SLC35F3: variants seen among roughly 807,000 people sequenced by gnomAD.
The protein encoded by SLC35F3 is solute carrier family 35 member F3, also known as putative thiamine transporter SLC35F3.
In SLC35F3, 25 loss-of-function variants were observed where a neutral mutation model predicts 49.9. The observed-to-expected ratio is 0.50, with a 90% CI of 0.37 to 0.70. SLC35F3 has a LOEUF of 0.70. SLC35F3 is among the 30% of genes least tolerant of loss of function. The probability of loss-of-function intolerance (pLI) is 0.00; values close to 1 mark genes in which losing one functional copy is unlikely to be tolerated. For synonymous variants in SLC35F3, 275 were observed against 265.4 expected, an observed-to-expected ratio of 1.04 and a Z score of -0.35; for missense variants, 525 against 639.8, an observed-to-expected ratio of 0.82 and a Z score of 1.94.
chr1:234,311,137 A>G (rs2102994821), intron 4 of SLC35F3, among the ~76,000 whole-genome samples: 1 of 152,322 alleles, frequency 6.6e-6, no homozygotes, highest in South Asian at 2.1e-4. Flanking sequence ...GAGTCTCTCT[A>G]ATAATCATTA....
chr1:233,960,281 C>G (rs892163334), intron 2 of SLC35F3, among the ~76,000 whole-genome samples: 2 of 152,208 alleles, frequency 1.3e-5, no homozygotes, highest in African/African-American at 4.8e-5. Context: ...CCTCGTTTCC[C>G]CTCACCTGTC....
intron 2 of SLC35F3, among the ~76,000 whole-genome samples, chr1:234,051,645 TG>T (rs549429823): frequency 8.4e-4 from 128 of 152,310 alleles, no homozygotes; most frequent in African/African-American, 2.8e-3. Context: ...TTCTCCTGCC[TG>T]ATTACCCTGG....
At chr1:234,216,366 C>T (rs749005874) in intron 2 of SLC35F3, among the ~76,000 whole-genome samples, 4 of 152,162 alleles carry the variant, frequency 2.6e-5, no homozygotes, top group Non-Finnish European at 4.4e-5. Flanking sequence ...TGGGGCAGGA[C>T]GCGGATGGTG....
chr1:234,205,080 G>A (rs993592912), intron 2 of SLC35F3, among the ~76,000 whole-genome samples: 2 of 152,210 alleles, frequency 1.3e-5, no homozygotes, highest in Non-Finnish European at 2.9e-5. Flanking sequence ...CACCCTCAGT[G>A]CTTGTTGGTG....
chr1:234,276,444 C>A (rs1668212086), intron 3 of SLC35F3, among the ~76,000 whole-genome samples: 1 of 152,072 alleles, frequency 6.6e-6, no homozygotes, highest in African/African-American at 2.4e-5. Context: ...GTGTGGGAGA[C>A]CCTCCCAGTA....
rs1400361495 is a variant in SLC35F3 at position 234,056,802 on chromosome 1, T to C, written c.283+151044T>C. On this transcript the variant is annotated intron_variant, in intron 2 of 7. Coordinates refer to ENST00000366618, the MANE Select transcript of SLC35F3 (RefSeq NM_173508.4). ...AACAGTTTGGTAGCCTTAGACCTTATGTTTTGGTCTTTGATCCATTTTGAG... is the reference window on the plus strand; with the variant it reads ...AACAGTTTGGTAGCCTTAGACCTTACGTTTTGGTCTTTGATCCATTTTGAG... Among the ~76,000 whole-genome samples, 11 of 152,336 alleles carry C rather than the reference T, an allele frequency of 7.2e-5. No individual in the cohort carries two copies. In the East Asian group the frequency reaches 1.7e-3, roughly 24 times the overall value.
At chr1:234,060,038 G>C (rs1443512391) in intron 2 of SLC35F3, among the ~76,000 whole-genome samples, 1 of 152,172 alleles carries the variant, frequency 6.6e-6, no homozygotes, top group African/African-American at 2.4e-5. Context: ...ATCTAATCAA[G>C]TTGACAGTAT....
At chr1:233,937,978 G>A (rs1326673168) in intron 2 of SLC35F3, among the ~76,000 whole-genome samples, 3 of 152,166 alleles carry the variant, frequency 2.0e-5, no homozygotes, top group Admixed American at 6.5e-5. Context: ...CAGAATTCAG[G>A]AGAGAAGATT....
Position 233,957,542 on chromosome 1 carries a change from T to TG in SLC35F3, c.283+51786dup, listed in dbSNP as rs1256713481. On this transcript the variant is annotated intron_variant, in intron 2 of 7. Coordinates refer to ENST00000366618, the MANE Select transcript of SLC35F3 (RefSeq NM_173508.4). This position sits in a 1 kb window ranked among gnomAD's most constrained non-coding sequence, Gnocchi z 4.0. ...CATAAATACAATAACTGGCTGTGTG[T>TG]GGTGGCTCGTGCCTGTAATCCCAGC... Among the ~76,000 whole-genome samples the TG allele has an allele frequency of 6.6e-6, 1 of 152,166 alleles. No individual in the cohort carries two copies. Among genetic ancestry groups the TG allele is most frequent in the African/African-American group, 2.4e-5 (1 of 41,456 alleles).
intron 2 of SLC35F3, among the ~76,000 whole-genome samples, chr1:234,147,690 G>A (rs1666018734): frequency 6.6e-6 from 1 of 152,230 alleles, no homozygotes; most frequent in African/African-American, 2.4e-5. Context: ...TCTGAGGGCA[G>A]CCAGGAGCCT....
chr1:234,238,583 T>C (rs1558269975), intron 3 of SLC35F3, among the ~76,000 whole-genome samples: 1 of 152,186 alleles, frequency 6.6e-6, no homozygotes, highest in Non-Finnish European at 1.5e-5. Context: ...GTGGTATTCA[T>C]AGATTAGCTC....
At chr1:234,055,976 A>G (rs905326347) in intron 2 of SLC35F3, among the ~76,000 whole-genome samples, 3 of 152,098 alleles carry the variant, frequency 2.0e-5, no homozygotes, top group Non-Finnish European at 2.9e-5. Flanking sequence ...GAACTCTTGG[A>G]TTTACCATAT....
intron 2 of SLC35F3, among the ~76,000 whole-genome samples, chr1:234,077,697 G>A (rs1664812959): frequency 6.6e-6 from 1 of 152,120 alleles, no homozygotes; most frequent in Non-Finnish European, 1.5e-5. Context: ...AGTAAGCTTT[G>A]GGCAGGCGGT....
intron 2 of SLC35F3, among the ~76,000 whole-genome samples, chr1:233,937,590 A>G (rs1273913721): frequency 6.6e-6 from 1 of 152,218 alleles, no homozygotes; most frequent in African/African-American, 2.4e-5. Flanking sequence ...GAGTTGTTTG[A>G]TGTTTTGGAA....
In SLC35F3 at chr1:234,278,516, AG is replaced by A. The variant is rs758969778; in HGVS notation, c.609-30584del. Among the ~76,000 whole-genome samples the A allele has an allele frequency of 9.9e-3, 1,493 of 150,842 alleles. 29 individuals carry two copies. The highest frequency in any genetic ancestry group is 0.033 in the African/African-American group (1,374 of 41,158). ...AAAGAAAAAAAAAAACGAAAAAAAA[AG>A]AGAAAAAACTAAAGCTGAGTTGTCA... is the stretch of plus-strand genomic sequence containing the variant. On this transcript the variant is annotated intron_variant, in intron 3 of 7. Transcript: ENST00000366618.
At chr1:233,935,923 A>C (rs1662319487) in intron 2 of SLC35F3, among the ~76,000 whole-genome samples, 1 of 152,192 alleles carries the variant, frequency 6.6e-6, no homozygotes, top group South Asian at 2.1e-4. Context: ...GTTTCATATT[A>C]ACTCAGGAGT....
At position 234,165,030 on chromosome 1, in the gene SLC35F3, G is replaced by T. The variant is rs979622858; in HGVS notation, c.284-66387G>T. ...TGATTTCATGGTCAGCTTACCTCTA[G>T]CTTCAATTTGTGTGTGTGTGTGTGT... On this transcript the variant is annotated intron_variant, in intron 2 of 7. Coordinates refer to ENST00000366618, the MANE Select transcript of SLC35F3 (RefSeq NM_173508.4). 5.9e-5 allele frequency among the ~76,000 whole-genome samples: 8 copies of T among 136,070 alleles called. No homozygotes were observed. In the East Asian group the frequency reaches 1.8e-3, roughly 30 times the overall value. 89.3% of individuals were successfully genotyped at this position (136,070 alleles called of 152,430 possible). A position where few individuals can be genotyped will look rare whatever the true frequency, so the allele number is the denominator to read the frequency against.
At chr1:234,260,255 T>G (rs1037135226) in intron 3 of SLC35F3, among the ~76,000 whole-genome samples, 11 of 152,188 alleles carry the variant, frequency 7.2e-5, no homozygotes, top group Non-Finnish European at 1.5e-4. Context: ...ATCCCAAGGC[T>G]CAGCCTCTAG....
At chr1:234,301,029 A>C (rs373938561) in intron 3 of SLC35F3, among the ~76,000 whole-genome samples, 5 of 152,270 alleles carry the variant, frequency 3.3e-5, no homozygotes, top group African/African-American at 1.2e-4. Flanking sequence ...AACATGAATC[A>C]TGGTAGCATC....
Sources: gnomAD v4.1 joint callset for allele counts (sites outside exome capture counted in the v4.1 genomes callset) on GRCh38, gnomAD v4.1.1 for gene constraint, Gnocchi (gnomAD v3.1) non-coding constraint, MANE v1.5 for transcripts, NCBI Gene and HGNC (gene_info 2026-07-23, HGNC 2026-07-21) for gene names.